NR5A1: variants seen among roughly 807,000 people sequenced by gnomAD.
NR5A1 encodes the protein steroidogenic factor 1.
In NR5A1, 6 loss-of-function variants were observed where a neutral mutation model predicts 42.7. The observed-to-expected ratio is 0.14, with a 90% CI of 0.08 to 0.28. NR5A1 has a LOEUF of 0.28. NR5A1 is among the 10% of genes least tolerant of loss of function. NR5A1 has a pLI of 1.00. For synonymous variants in NR5A1, 274 were observed against 277.5 expected, an observed-to-expected ratio of 0.99 and a Z score of 0.12; for missense variants, 442 against 626.4, an observed-to-expected ratio of 0.71 and a Z score of 3.14.
chr9:124,482,768 T>C lies in NR5A1; in HGVS notation c.1376A>G (p.Lys459Arg), dbSNP rs755859743. The C allele has an allele frequency of 7.7e-7, 1 of 1,303,282 alleles. No individual in the cohort carries two copies. Among genetic ancestry groups the C allele is most frequent in the Non-Finnish European group, 1.0e-6 (1 of 994,406 alleles). 80.7% of individuals were successfully genotyped at this position (1,303,282 alleles called of 1,614,324 possible). ...NNLLIEMLQA[K>R]QT The stretch of plus-strand genomic sequence containing the variant: ...GCCCCCGGCCCAGGCTCAAGTCTGC[T>C]TGGCTTGCAGCATTTCGATGAGCAG... Residue 459 changes from lysine to arginine, a missense_variant, in exon 7 of 7, where the codon AAG (lysine) becomes AGG (arginine). Physicochemically the swap from Lys to Arg is conservative, Grantham distance 26. Transcript: ENST00000373588.
chr9:124,486,230 C>T (rs556459406), intron 6 of NR5A1, among the ~76,000 whole-genome samples: 6 of 152,116 alleles, frequency 3.9e-5, no homozygotes, highest in South Asian at 4.1e-4. Flanking sequence ...GCCACAGGGC[C>T]GGGGGAGGGA....
rs1026058952 is a variant in NR5A1 at position 124,498,374 on chromosome 9, GA to G, written c.870+1715del. Among the ~76,000 whole-genome samples, 19 of 152,194 alleles carry G rather than the reference GA, an allele frequency of 1.2e-4. No homozygotes were observed. Among genetic ancestry groups the G allele is most frequent in the Non-Finnish European group, 2.1e-4 (14 of 68,028 alleles). ...CCCGGGCTCAATTCAAAGACTTTGAGAAGGGGAAGCAGGAAGGTTTGGACCA... is the reference window on the plus strand; with the variant it reads ...CCCGGGCTCAATTCAAAGACTTTGAGAGGGGAAGCAGGAAGGTTTGGACCA... On this transcript the variant is annotated intron_variant, in intron 4 of 6. Transcript: ENST00000373588. This position sits in a 1 kb window ranked among gnomAD's most constrained non-coding sequence, Gnocchi z 4.6.
Position 124,500,653 on chromosome 9 carries a change from G to A in NR5A1, c.307C>T (p.Arg103Trp), listed in dbSNP as rs988948243. 3.7e-6 allele frequency: 6 copies of A among 1,613,140 alleles called. No homozygotes were observed. The highest frequency in any genetic ancestry group is 1.7e-5 in the Admixed American group (1 of 60,002). ...GCCTTCTTCTGCTGTTTCAGGGCCC[G>A]GTCCCGCTTGTACATCGGCCCAAAC... The part of the protein sequence containing the change: ...NKFGPMYKRD[R>W]ALKQQKKAQI... Residue 103 changes from arginine to tryptophan, a missense_variant, in exon 4 of 7, where the codon CGG (arginine) becomes TGG (tryptophan). Arg to Trp is a moderately radical substitution (Grantham distance 101). Around this residue, in one of 3 missense-constraint regions of NR5A1, gnomAD observed 71 missense variants for 156.8 expected, o/e 0.45. Transcript: ENST00000373588. This position sits in a 1 kb window ranked among gnomAD's most constrained non-coding sequence, Gnocchi z 6.9.
intron 4 of NR5A1, among the ~76,000 whole-genome samples, chr9:124,497,260 G>C (rs1300743593): frequency 1.3e-5 from 2 of 152,152 alleles, no homozygotes; most frequent in Non-Finnish European, 2.9e-5. Flanking sequence ...TTTTCAAGAC[G>C]AGGAAACTGA....
At position 124,504,024 on chromosome 9, in the gene NR5A1, C is replaced by CAGACAGAGAGAGAGAG. The variant is rs368063610; in HGVS notation, c.-15-615_-15-614insCTCTCTCTCTCTGTCT. On this transcript the variant is annotated intron_variant, in intron 1 of 6. Transcript: ENST00000373588. ...GGAGGGATGGAGAGAGACAGGGAGACAGAGAGAGAGAGAGAGAGAGAGAGA... is the reference window on the plus strand; with the variant it reads ...GGAGGGATGGAGAGAGACAGGGAGACAGACAGAGAGAGAGAGAGAGAGAGAGAGAGAGAGAGAGAGA... 2.0e-4 allele frequency among the ~76,000 whole-genome samples: 21 copies of CAGACAGAGAGAGAGAG among 105,928 alleles called. 1 individual carries two copies. Among genetic ancestry groups the CAGACAGAGAGAGAGAG allele is most frequent in the African/African-American group, 1.2e-3 (20 of 16,956 alleles). 69.5% of individuals were successfully genotyped at this position (105,928 alleles called of 152,430 possible). A position where few individuals can be genotyped will look rare whatever the true frequency, so the allele number is the denominator to read the frequency against.
Position 124,482,657 on chromosome 9 carries a change from A to C in NR5A1, c.*101T>G. On this transcript the variant is annotated 3_prime_UTR_variant, in exon 7 of 7. Coordinates refer to ENST00000373588, the MANE Select transcript of NR5A1 (RefSeq NM_004959.5). ...ACGGGGCTGGGGCTCCTCGGTGGGC[A>C]TCAGAAAATGAACCATGCGGAGCCA... 9 of 1,329,804 alleles carry C rather than the reference A, an allele frequency of 6.8e-6. No individual in the cohort carries two copies. Among genetic ancestry groups the C allele is most frequent in the Non-Finnish European group, 8.3e-6 (8 of 962,866 alleles). The allele number at this position is 1,329,804 out of a possible 1,614,324, so 82.4% of individuals were successfully genotyped here.
At chr9:124,505,708 ACGGGCGCAGGAGCTGGGAGAGGAG>A (rs1428834326) in intron 1 of NR5A1, among the ~76,000 whole-genome samples, 11 of 152,070 alleles carry the variant, frequency 7.2e-5, no homozygotes, top group Non-Finnish European at 1.5e-4. Context: ...CGAAGCCTCT[ACGGGCGCAGGAGCTGGGAGAGGAG>A]CCCGGAGGCA....
At chr9:124,505,514 G>A (rs1832543707) in intron 1 of NR5A1, among the ~76,000 whole-genome samples, 1 of 152,228 alleles carries the variant, frequency 6.6e-6, no homozygotes, top group Non-Finnish European at 1.5e-5. Context: ...CGCTAAGGGT[G>A]GGTCGTGAGG....
rs1056542214 is a variant in NR5A1 at position 124,501,143 on chromosome 9, A to G, written c.245-428T>C. 1.3e-5 allele frequency among the ~76,000 whole-genome samples: 2 copies of G among 151,972 alleles called. No individual in the cohort carries two copies. The highest frequency in any genetic ancestry group is 1.9e-4 in the East Asian group (1 of 5,154). On this transcript the variant is annotated intron_variant, in intron 3 of 6. Coordinates refer to ENST00000373588, the MANE Select transcript of NR5A1 (RefSeq NM_004959.5). The surrounding 1 kb of genome is among the most constrained non-coding windows in gnomAD (Gnocchi z 4.1). ...AGGTGCCCTGTCCTTGCCCACTCTT[A>G]TCATGCTGAGTGGATCATGCCATGT...
chr9:124,503,234 G>A lies in NR5A1; in HGVS notation c.103-14C>T, dbSNP rs746531711. ...CTTGAAGAAGCCCTGCGGGAGCTGA[G>A]AGTCAGCGAGGCCCCGCAGCGCCCG... On this transcript the variant is annotated splice_polypyrimidine_tract_variant and intron_variant, in intron 2 of 6. Coordinates refer to ENST00000373588, the MANE Select transcript of NR5A1 (RefSeq NM_004959.5). This position sits in a 1 kb window ranked among gnomAD's most constrained non-coding sequence, Gnocchi z 9.6. 114 of 1,604,070 alleles carry A rather than the reference G, an allele frequency of 7.1e-5. No individual in the cohort carries two copies. The highest frequency in any genetic ancestry group is 3.3e-4 in the Middle Eastern group (2 of 6,060).
At chr9:124,491,015 T>TCTGCCCCG in intron 6 of NR5A1, 66 bp downstream of exon 6, 1 of 634,816 alleles carries the variant, frequency 1.6e-6, no homozygotes, top group Non-Finnish European at 2.8e-6. Flanking sequence ...CTCTCCAGCC[T>TCTGCCCCG]CACCCACCCT....
In NR5A1 at chr9:124,495,474, C is replaced by T. The variant is rs1832377947; in HGVS notation, c.871-2325G>A. On this transcript the variant is annotated intron_variant, in intron 4 of 6. Transcript: ENST00000373588. Reference sequence around the variant, plus strand: ...GGGCTTCAGGCAGCTGGGCTCTGCCCAGAGGTTCCTACCGGCCAGACTTCT... The same window carrying T: ...GGGCTTCAGGCAGCTGGGCTCTGCCTAGAGGTTCCTACCGGCCAGACTTCT... Among the ~76,000 whole-genome samples, 3 of 152,204 alleles carry T rather than the reference C, an allele frequency of 2.0e-5. No homozygotes were observed. In the South Asian group the frequency reaches 6.2e-4, roughly 32 times the overall value.
chr9:124,485,691 C>A (rs1420188840), intron 6 of NR5A1, among the ~76,000 whole-genome samples: 1 of 152,242 alleles, frequency 6.6e-6, no homozygotes, highest in Admixed American at 6.5e-5. Context: ...CCCAACGCCT[C>A]CTGGCCCAGG....
chr9:124,484,283 A>G (rs1184092046), intron 6 of NR5A1, among the ~76,000 whole-genome samples: 2 of 152,202 alleles, frequency 1.3e-5, no homozygotes, highest in Non-Finnish European at 2.9e-5. Context: ...TCATGGTGGC[A>G]AGGAGGGGGC....
At chr9:124,495,302 C>T (rs750736273) in intron 4 of NR5A1, among the ~76,000 whole-genome samples, 6 of 152,196 alleles carry the variant, frequency 3.9e-5, no homozygotes, top group Admixed American at 1.3e-4. Flanking sequence ...CCCATGGAGC[C>T]GCGGTTTCCA....
At chr9:124,494,758 G>T (rs1174356278) in intron 4 of NR5A1, among the ~76,000 whole-genome samples, 2 of 152,146 alleles carry the variant, frequency 1.3e-5, no homozygotes, top group Non-Finnish European at 2.9e-5. Flanking sequence ...GACTCAGAGA[G>T]ACCACTCCCC....
chr9:124,487,609 A>G (rs535298509), intron 6 of NR5A1, among the ~76,000 whole-genome samples: 1 of 152,204 alleles, frequency 6.6e-6, no homozygotes, highest in Admixed American at 6.5e-5. Flanking sequence ...GGCGCGAAGG[A>G]GGCGCTGAGT....
intron 4 of NR5A1, among the ~76,000 whole-genome samples, chr9:124,497,525 G>C (rs182547764): frequency 5.3e-5 from 8 of 152,284 alleles, no homozygotes; most frequent in Non-Finnish European, 8.8e-5. Flanking sequence ...TGGGCCCCTG[G>C]CACCCCTGAG....
intron 1 of NR5A1, among the ~76,000 whole-genome samples, chr9:124,504,813 C>A (rs985693332): frequency 1.8e-4 from 27 of 146,648 alleles, no homozygotes; most frequent in African/African-American, 6.6e-4. Context: ...GCCGCTCGGG[C>A]CGGGGACGGG....
Sources: gnomAD v4.1 joint callset for allele counts (sites outside exome capture counted in the v4.1 genomes callset) on GRCh38, gnomAD v4.1.1 for gene constraint, gnomAD v4.1.1 regional missense constraint, Gnocchi (gnomAD v3.1) non-coding constraint, MANE v1.5 for transcripts, NCBI Gene and HGNC (gene_info 2026-07-23, HGNC 2026-07-21) for gene names.